The following NCAPG2 variants were observed in gnomAD, a reference collection of about 807,000 sequenced individuals.
The protein encoded by NCAPG2 is condensin-2 complex subunit G2.
Under a neutral mutation model 141.1 loss-of-function variants are expected in NCAPG2, and 53 were observed. The observed-to-expected ratio is 0.38, with a 90% CI of 0.30 to 0.47. NCAPG2 has a LOEUF of 0.47. Ranked by LOEUF, NCAPG2 falls within the 20% of genes least tolerant of loss-of-function variation. NCAPG2 has a pLI of 0.99. For missense variants in NCAPG2, 1,087 were observed against 1,389.0 expected (o/e 0.78, Z 3.46); for synonymous variants, 499 against 490.7 (o/e 1.02, Z -0.22).
At chr7:158,667,504 T>A (rs1278504318) in intron 13 of NCAPG2, among the ~76,000 whole-genome samples, 3 of 101,106 alleles carry the variant, frequency 3.0e-5, no homozygotes, top group African/African-American at 7.8e-5. Flanking sequence ...CCTTACCCAC[T>A]ACTGGGTCCC....
rs372149791 is a variant in NCAPG2, at chr7:158,685,598, T to A, written c.837+574A>T. ...AGATTACTTATAATACTTAATACAG[T>A]GTCAATGTTATGGAAATAGTTGTGA... is the stretch of plus-strand genomic sequence containing the variant. On this transcript the variant is annotated intron_variant, in intron 8 of 27. Coordinates refer to ENST00000356309, the MANE Select transcript of NCAPG2 (RefSeq NM_017760.7). 7.2e-5 allele frequency among the ~76,000 whole-genome samples: 11 copies of A among 152,284 alleles called. No homozygotes were observed. The East Asian group carries it at 1.9e-3, about 27-fold the overall frequency.
intron 11 of NCAPG2, among the ~76,000 whole-genome samples, chr7:158,676,683 G>C (rs1187998197): frequency 6.6e-6 from 1 of 152,286 alleles, no homozygotes; most frequent in East Asian, 1.9e-4. Context: ...TGGGCACACA[G>C]GGGTTATTAC....
intron 1 of NCAPG2, among the ~76,000 whole-genome samples, chr7:158,704,246 GCTCT>G (rs1836012344): frequency 8.3e-6 from 1 of 120,068 alleles, no homozygotes; most frequent in African/African-American, 3.2e-5. Context: ...CTGAGGGGAC[GCTCT>G]CTGAGGGCAG....
intron 2 of NCAPG2, among the ~76,000 whole-genome samples, 168 bp downstream of exon 2, chr7:158,701,654 C>T (rs1835797184): frequency 6.6e-6 from 1 of 152,194 alleles, no homozygotes; most frequent in Admixed American, 6.5e-5. Context: ...GCGTAGCCCA[C>T]CAGCAGGTAG....
At chr7:158,661,587 C>T (rs776447333) in intron 16 of NCAPG2, among the ~76,000 whole-genome samples, 6 of 152,154 alleles carry the variant, frequency 3.9e-5, no homozygotes, top group South Asian at 2.1e-4. Context: ...TGAAAATCAC[C>T]GCGAGCAGAT....
intron 23 of NCAPG2, 57 bp from the exon 24 acceptor site, chr7:158,651,029 A>C: frequency 6.7e-7 from 1 of 1,488,980 alleles, no homozygotes; most frequent in Non-Finnish European, 9.0e-7. Context: ...TTTGAAAAAA[A>C]CAAAAAAACA....
At chr7:158,658,826 A>C (rs1378375572) in intron 16 of NCAPG2, among the ~76,000 whole-genome samples, 1 of 152,200 alleles carries the variant, frequency 6.6e-6, no homozygotes, top group East Asian at 1.9e-4. Flanking sequence ...GAAGGAAATT[A>C]TTCAGAGAAA....
At chr7:158,669,172 G>A (rs953742222) in intron 13 of NCAPG2, among the ~76,000 whole-genome samples, 4 of 152,008 alleles carry the variant, frequency 2.6e-5, no homozygotes, top group Non-Finnish European at 4.4e-5. Flanking sequence ...GTCTATCATC[G>A]AAGGGCATTT....
At chr7:158,647,340 C>T (rs1041119134) in intron 24 of NCAPG2, among the ~76,000 whole-genome samples, 1 of 152,218 alleles carries the variant, frequency 6.6e-6, no homozygotes, top group African/African-American at 2.4e-5. Context: ...GTTGCCCACC[C>T]CCTCACCCAG....
In NCAPG2 at chr7:158,656,665, C is replaced by T. The variant is rs199999635; in HGVS notation, c.2101G>A (p.Ala701Thr). The T allele has an allele frequency of 2.7e-5, 44 of 1,614,106 alleles. No homozygotes were observed. The highest frequency in any genetic ancestry group is 8.9e-5 in the East Asian group (4 of 44,886). ...AAAGTGCAGTAGCTCTTGTCCACAG[C>T]GCCCTCCTCCCGGCTTCTCAGCGTG... ...ISTLRSREEGAVDKSYCTLLD... is the reference protein window; with the variant it reads ...ISTLRSREEGTVDKSYCTLLD... The change falls in exon 18 of 28, where the codon GCT (alanine) becomes ACT (threonine). Residue 701 changes from alanine to threonine, a missense_variant. Transcript: ENST00000356309.
intron 13 of NCAPG2, chr7:158,667,191 G>A (rs1044862890): frequency 2.0e-6 from 2 of 985,316 alleles, no homozygotes; most frequent in Non-Finnish European, 1.2e-6. Context: ...CAAAGATAAG[G>A]ACTGAAACGC....
chr7:158,691,374 A>T (rs1471680333), intron 4 of NCAPG2, among the ~76,000 whole-genome samples: 2 of 152,256 alleles, frequency 1.3e-5, no homozygotes, highest in East Asian at 3.8e-4. Context: ...AGACCATACA[A>T]ATAAACTGAT....
At chr7:158,645,402 G>T in intron 26 of NCAPG2, 117 bp downstream of exon 26, 1 of 816,652 alleles carries the variant, frequency 1.2e-6, no homozygotes. Flanking sequence ...GAAAGGCTGG[G>T]GGACACCTGA....
intron 2 of NCAPG2, among the ~76,000 whole-genome samples, chr7:158,694,539 C>T (rs1261811794): frequency 6.6e-6 from 1 of 152,096 alleles, no homozygotes; most frequent in African/African-American, 2.4e-5. Context: ...TTGACAGCGC[C>T]GAGGACCTAA....
chr7:158,635,950 CTT>C (rs1362186325), intron 27 of NCAPG2, among the ~76,000 whole-genome samples: 1 of 152,062 alleles, frequency 6.6e-6, no homozygotes, highest in African/African-American at 2.4e-5. Context: ...ATTGATTTTT[CTT>C]GTTTCATCAA....
intron 1 of NCAPG2, among the ~76,000 whole-genome samples, chr7:158,704,202 G>A (rs1348669588): frequency 6.9e-6 from 1 of 145,118 alleles, no homozygotes; most frequent in Non-Finnish European, 1.5e-5. Context: ...GGACTGAGGG[G>A]GTCGCTCTCT....
chr7:158,690,768 A>T, intron 4 of NCAPG2, 46 bp from the exon 5 acceptor site: 1 of 1,554,032 alleles, frequency 6.4e-7, no homozygotes, highest in East Asian at 2.3e-5. Flanking sequence ...GCAAATTCTT[A>T]TTACTTCAGA....
chr7:158,660,327 G>A (rs1156696467), intron 16 of NCAPG2, among the ~76,000 whole-genome samples: 1 of 150,644 alleles, frequency 6.6e-6, no homozygotes, highest in African/African-American at 2.5e-5. Context: ...AACCTACCTG[G>A]TGTCCTATAT....
chr7:158,698,296 T>TA (rs1835580187), intron 2 of NCAPG2, among the ~76,000 whole-genome samples: 2 of 152,244 alleles, frequency 1.3e-5, no homozygotes, highest in Non-Finnish European at 1.5e-5. Flanking sequence ...GTAATGTGTT[T>TA]ATAGTTTACA....
Sources: allele counts gnomAD v4.1 joint callset (sites outside exome capture counted in the v4.1 genomes callset), GRCh38; gene constraint gnomAD v4.1.1; transcripts MANE v1.5; gene names NCBI Gene and HGNC (gene_info 2026-07-23, HGNC 2026-07-21).